CENPP: variants seen among roughly 807,000 people sequenced by gnomAD.
The protein encoded by CENPP is centromere protein P.
In CENPP, 24 loss-of-function variants were observed where a neutral mutation model predicts 35.6. The observed-to-expected ratio is 0.67, with a 90% CI of 0.49 to 0.95. CENPP has a LOEUF of 0.95. Among genes scored for constraint, CENPP ranks in the 40% least tolerant of loss-of-function variants. The pLI is 0.00. For missense variants in CENPP, 332 were observed against 345.3 expected, an observed-to-expected ratio of 0.96 and a Z score of 0.31; for synonymous variants, 120 against 125.5, an observed-to-expected ratio of 0.96 and a Z score of 0.29.
intron 4 of CENPP, among the ~76,000 whole-genome samples, chr9:92,357,127 G>T (rs988897828): frequency 6.6e-6 from 1 of 152,050 alleles, no homozygotes; most frequent in African/African-American, 2.4e-5. Context: ...AAAAAGTAGA[G>T]TAACAAACTA....
At chr9:92,461,110 CTTAA>C (rs10558102) in intron 5 of CENPP, among the ~76,000 whole-genome samples, 55,841 of 151,774 alleles carry the variant, frequency 0.37, 12,504 homozygotes, top group African/African-American at 0.63. Context: ...TTTATCTACT[CTTAA>C]TTATTTATTG....
intron 5 of CENPP, among the ~76,000 whole-genome samples, chr9:92,602,374 C>T (rs1588310414): frequency 6.6e-6 from 1 of 152,198 alleles, no homozygotes; most frequent in Non-Finnish European, 1.5e-5. Context: ...CATAGGGTCT[C>T]AGACTCAGGA....
chr9:92,372,099 C>CTTTTTTTTTTTTTTTTTTTTTT lies in CENPP; in HGVS notation c.468-7653_468-7632dup, dbSNP rs71362382. On this transcript the variant is annotated intron_variant, in intron 4 of 7. Coordinates refer to ENST00000375587, the MANE Select transcript of CENPP (RefSeq NM_001012267.3). ...AGGTGTAAGCCACCATGCCAGCCAT[C>CTTTTTTTTTTTTTTTTTTTTTT]TTTTTTTTTTTTTTTTTTTTTTTTT... Among the ~76,000 whole-genome samples the CTTTTTTTTTTTTTTTTTTTTTT allele has an allele frequency of 8.8e-4, 27 of 30,684 alleles. 1 individual carries two copies. The highest frequency in any genetic ancestry group is 2.5e-3 in the South Asian group (1 of 402). The allele number at this position is 30,684 out of a possible 152,430, so 20.1% of individuals were successfully genotyped here.
chr9:92,346,177 G>GT (rs959524142), intron 4 of CENPP, among the ~76,000 whole-genome samples: 3 of 152,006 alleles, frequency 2.0e-5, no homozygotes, highest in Non-Finnish European at 4.4e-5. Context: ...AGGAATTTTT[G>GT]TTTTTTATTA....
chr9:92,590,427 A>G (rs1588300553), intron 5 of CENPP, among the ~76,000 whole-genome samples: 1 of 152,100 alleles, frequency 6.6e-6, no homozygotes, highest in South Asian at 2.1e-4. Context: ...TAGAATTCGT[A>G]TTTGTCTGAG....
At chr9:92,469,947 A>C (rs972552454) in intron 5 of CENPP, among the ~76,000 whole-genome samples, 1 of 152,214 alleles carries the variant, frequency 6.6e-6, no homozygotes, top group Non-Finnish European at 1.5e-5. Context: ...AGCTCACTGC[A>C]ACCTCTACCT....
intron 5 of CENPP, among the ~76,000 whole-genome samples, chr9:92,501,452 G>A (rs1396579648): frequency 6.6e-6 from 1 of 152,198 alleles, no homozygotes; most frequent in East Asian, 1.9e-4. Context: ...GTTCCAGCAA[G>A]GAAGTTTGGT....
intron 5 of CENPP, among the ~76,000 whole-genome samples, chr9:92,491,735 T>G (rs1422608174): frequency 6.6e-6 from 1 of 152,186 alleles, no homozygotes; most frequent in African/African-American, 2.4e-5. Flanking sequence ...TTCACTGAAT[T>G]CCTTTTGATG....
intron 5 of CENPP, among the ~76,000 whole-genome samples, chr9:92,541,216 G>A (rs183534224): frequency 2.6e-5 from 4 of 151,962 alleles, no homozygotes; most frequent in African/African-American, 7.3e-5. Flanking sequence ...CCAAGATTGC[G>A]CCACTGCACG....
At chr9:92,609,893 AC>A (rs1851189121) in intron 5 of CENPP, among the ~76,000 whole-genome samples, 1 of 151,664 alleles carries the variant, frequency 6.6e-6, no homozygotes, top group Non-Finnish European at 1.5e-5. Context: ...GGCACCCACC[AC>A]CACGCCCAGC....
At chr9:92,377,849 G>C (rs1041937133) in intron 4 of CENPP, among the ~76,000 whole-genome samples, 19 of 152,112 alleles carry the variant, frequency 1.2e-4, no homozygotes, top group African/African-American at 4.3e-4. Context: ...CTATAATTCA[G>C]TTCTCAGTAT....
At chr9:92,354,075 C>T (rs1047175944) in intron 4 of CENPP, among the ~76,000 whole-genome samples, 13 of 152,124 alleles carry the variant, frequency 8.5e-5, no homozygotes, top group African/African-American at 2.7e-4. Context: ...CTTCTTTAGC[C>T]GTAAAGTGAG....
chr9:92,594,578 G>A (rs1850733208), intron 5 of CENPP, among the ~76,000 whole-genome samples: 2 of 152,118 alleles, frequency 1.3e-5, no homozygotes, highest in African/African-American at 4.8e-5. Flanking sequence ...CGCCCCTCAA[G>A]TTTTAAATCT....
At chr9:92,522,388 A>G (rs1319011186) in intron 5 of CENPP, among the ~76,000 whole-genome samples, 1 of 152,068 alleles carries the variant, frequency 6.6e-6, no homozygotes, top group Non-Finnish European at 1.5e-5. Context: ...GCCTGGCCCT[A>G]TTTTTTAAAT....
rs145405988 is a variant in CENPP, at chr9:92,613,119, A to G, written c.837A>G (p.Ile279Met). Residue 279 changes from isoleucine to methionine, a missense_variant, in exon 8 of 8, where the codon ATA (isoleucine) becomes ATG (methionine). Transcript: ENST00000375587. ...LGIEAALESL[I>M]KSLCAEENN ...TCGAAGCTGCTCTGGAAAGCCTGAT[A>G]AAATCGCTTTGTGCAGAGGAGAACA... 22 of 1,614,100 alleles carry G rather than the reference A, an allele frequency of 1.4e-5. No individual in the cohort carries two copies. The highest frequency in any genetic ancestry group is 6.7e-5 in the Admixed American group (4 of 60,012).
intron 5 of CENPP, among the ~76,000 whole-genome samples, chr9:92,428,891 T>C (rs1844034383): frequency 1.3e-5 from 2 of 152,168 alleles, no homozygotes; most frequent in Admixed American, 1.3e-4. Context: ...TTTTTGACCC[T>C]CACATTGCCA....
chr9:92,495,086 G>A (rs1446222561), intron 5 of CENPP, among the ~76,000 whole-genome samples: 1 of 152,060 alleles, frequency 6.6e-6, no homozygotes, highest in African/African-American at 2.4e-5. Flanking sequence ...TTCTTTTCTA[G>A]TTCTTATAAT....
At chr9:92,342,991 T>C (rs755081214) in intron 3 of CENPP, among the ~76,000 whole-genome samples, 16 of 152,196 alleles carry the variant, frequency 1.1e-4, no homozygotes, top group Non-Finnish European at 1.9e-4. Flanking sequence ...GAAAAAGAAA[T>C]GACACAGCAA....
At chr9:92,456,140 G>A (rs527613378) in intron 5 of CENPP, 1 of 152,260 alleles carries the variant, frequency 6.6e-6, no homozygotes, top group African/African-American at 2.4e-5. Context: ...ATATAGATTA[G>A]AGTTTTCTGA....
Sources: allele counts gnomAD v4.1 joint callset (sites outside exome capture counted in the v4.1 genomes callset), GRCh38; gene constraint gnomAD v4.1.1; transcripts MANE v1.5; gene names NCBI Gene and HGNC (gene_info 2026-07-23, HGNC 2026-07-21).